The following PAGE2B variants were observed in gnomAD, a reference collection of about 807,000 sequenced individuals.
PAGE2B encodes the protein putative G antigen family E member 3.
A neutral mutation model predicts 7.6 loss-of-function variants in PAGE2B; 5 were observed. The observed-to-expected ratio is 0.66, with a 90% CI of 0.34 to 1.38. PAGE2B has a LOEUF of 1.38. PAGE2B is among the 40% of genes most tolerant of loss of function. The probability of loss-of-function intolerance (pLI) is 0.04; values close to 1 mark genes in which losing one functional copy is unlikely to be tolerated. For synonymous variants in PAGE2B, 29 were observed against 26.7 expected, an observed-to-expected ratio of 1.09 and a Z score of -0.27; for missense variants, 70 against 78.4, an observed-to-expected ratio of 0.89 and a Z score of 0.41.
intron 3 of PAGE2B, among the ~76,000 whole-genome samples, chrX:55,077,069 G>A (rs1231669989): frequency 1.8e-5 from 2 of 111,491 alleles, no homozygotes; most frequent in African/African-American, 3.3e-5. Flanking sequence ...CTCATACCAC[G>A]TAATATACTA....
the PAGE2B span, chrX:55,055,905 CAAAA>C: frequency 2.0e-5 from 2 of 101,993 alleles, no homozygotes; most frequent in African/African-American, 3.6e-5. Context: ...TCATGGAAGC[CAAAA>C]AAAAAAAAAA....
At chrX:55,029,737 T>A in the PAGE2B span, among the ~76,000 whole-genome samples, 1 of 112,212 alleles carries the variant, frequency 8.9e-6, no homozygotes, top group South Asian at 3.7e-4. Context: ...TGATAATGCT[T>A]GCCAGGCATC....
chrX:55,043,968 A>AAATAAT, the PAGE2B span, among the ~76,000 whole-genome samples: 783 of 102,680 alleles, frequency 7.6e-3, 9 homozygotes, highest in East Asian at 0.017. Context: ...CTCTGTCTCT[A>AAATAAT]AATAATAATA....
chrX:55,036,796 G>A, the PAGE2B span, among the ~76,000 whole-genome samples: 1 of 109,497 alleles, frequency 9.1e-6, no homozygotes, highest in African/African-American at 3.4e-5. Context: ...AACAAGCAAT[G>A]GGGAAAGGAT....
chrX:55,041,042 A>G, the PAGE2B span, among the ~76,000 whole-genome samples: 6 of 105,530 alleles, frequency 5.7e-5, no homozygotes, highest in African/African-American at 6.9e-5. Context: ...TCTCCCATAC[A>G]GTGTTACACT....
chrX:55,033,479 T>A, the PAGE2B span, among the ~76,000 whole-genome samples: 2 of 111,821 alleles, frequency 1.8e-5, no homozygotes, highest in African/African-American at 6.5e-5. Flanking sequence ...CACCTTTTTA[T>A]GAGGCAATGT....
At chrX:55,049,896 T>G in the PAGE2B span, among the ~76,000 whole-genome samples, 1 of 112,091 alleles carries the variant, frequency 8.9e-6, no homozygotes, top group African/African-American at 3.2e-5. Context: ...TTAATTGTGA[T>G]GTTAGGATGT....
chrX:55,066,027 T>C, the PAGE2B span, among the ~76,000 whole-genome samples: 3 of 112,686 alleles, frequency 2.7e-5, no homozygotes, highest in African/African-American at 9.7e-5. Context: ...TTTTTCTGTA[T>C]GCTTATTACC....
the PAGE2B span, among the ~76,000 whole-genome samples, chrX:55,039,556 A>C: frequency 9.1e-6 from 1 of 110,366 alleles, no homozygotes; most frequent in East Asian, 2.8e-4. Context: ...TAGTGAAGAA[A>C]CCCTAATGGT....
chrX:55,034,154 T>A, the PAGE2B span, among the ~76,000 whole-genome samples: 1 of 111,969 alleles, frequency 8.9e-6, no homozygotes, highest in Non-Finnish European at 1.9e-5. Context: ...ATCTCTCTCC[T>A]TCATTAGCTA....
At chrX:55,042,238 A>G in the PAGE2B span, among the ~76,000 whole-genome samples, 2 of 111,655 alleles carry the variant, frequency 1.8e-5, no homozygotes, top group South Asian at 7.5e-4. Flanking sequence ...TACACAAATC[A>G]GTAGCTCTGC....
At chrX:55,072,293 C>T (rs1214713270), upstream of PAGE2B, among the ~76,000 whole-genome samples, 1 of 112,343 alleles carries the variant, frequency 8.9e-6, no homozygotes, top group African/African-American at 3.2e-5. Flanking sequence ...GATGTTATTG[C>T]TTTCTGTTTG....
chrX:55,033,658 A>G, the PAGE2B span, among the ~76,000 whole-genome samples: 11 of 111,739 alleles, frequency 9.8e-5, no homozygotes, highest in Non-Finnish European at 1.7e-4. Flanking sequence ...ATCAGAGTCT[A>G]GGTCTGATTC....
chrX:55,048,836 C>T, the PAGE2B span, among the ~76,000 whole-genome samples: 10 of 111,537 alleles, frequency 9.0e-5, no homozygotes, highest in African/African-American at 2.0e-4. Flanking sequence ...GAACTTCCAA[C>T]ACTATGTTGA....
the PAGE2B span, among the ~76,000 whole-genome samples, chrX:55,051,321 C>T: frequency 1.4e-3 from 156 of 110,740 alleles, no homozygotes; most frequent in African/African-American, 4.6e-3. Flanking sequence ...ATCTTTGTGG[C>T]ATTCTCTGTA....
chrX:55,075,822 G>A (rs1303241957), intron 1 of PAGE2B, among the ~76,000 whole-genome samples: 1 of 111,403 alleles, frequency 9.0e-6, no homozygotes, highest in East Asian at 2.8e-4. Flanking sequence ...TTGCTATGGC[G>A]TTAAGGGGAT....
chrX:55,072,918 A>G (rs1936464006), upstream of PAGE2B, among the ~76,000 whole-genome samples: 1 of 111,420 alleles, frequency 9.0e-6, no homozygotes, highest in African/African-American at 3.3e-5. Context: ...CCCTCCTCCC[A>G]CCAAGCTCCG....
chrX:55,060,369 A>G, the PAGE2B span, among the ~76,000 whole-genome samples: 78 of 111,012 alleles, frequency 7.0e-4, no homozygotes, highest in African/African-American at 2.4e-3. Flanking sequence ...TTCTCTGATG[A>G]TTAGTGATAT....
chrX:55,049,758 C>T, the PAGE2B span, among the ~76,000 whole-genome samples: 1 of 111,442 alleles, frequency 9.0e-6, no homozygotes, highest in Admixed American at 9.6e-5. Context: ...AAAAAACCAG[C>T]TCCTAGATTC....
Sources: gnomAD v4.1 joint callset for allele counts (sites outside exome capture counted in the v4.1 genomes callset) on GRCh38, gnomAD v4.1.1 for gene constraint, MANE v1.5 for transcripts, NCBI Gene and HGNC (gene_info 2026-07-23, HGNC 2026-07-21) for gene names.